The following ATF7 variants were observed in gnomAD, a reference collection of about 807,000 sequenced individuals.
The protein encoded by ATF7 is activating transcription factor 7.
A neutral mutation model predicts 50.4 loss-of-function variants in ATF7; 10 were observed. The ratio of observed to expected loss-of-function variants is 0.20; its 90% confidence interval spans 0.12 to 0.34. The LOEUF (loss-of-function observed/expected upper bound fraction) is 0.34. Among genes scored for constraint, ATF7 ranks in the 10% least tolerant of loss-of-function variants. The pLI, the probability that ATF7 is intolerant of heterozygous loss-of-function variation, is 1.00. For missense variants in ATF7, 465 were observed against 613.9 expected (o/e 0.76, Z 2.56); for synonymous variants, 201 against 226.4 (o/e 0.89, Z 1.01).
intron 2 of ATF7, among the ~76,000 whole-genome samples, chr12:53,580,468 T>C (rs1400017369): frequency 6.7e-6 from 1 of 148,380 alleles, no homozygotes; most frequent in African/African-American, 2.5e-5. Flanking sequence ...ATCGAGACCA[T>C]CCTGGCTAAC....
At chr12:53,575,697 C>A in intron 2 of ATF7, 1 of 155,326 alleles carries the variant, frequency 6.4e-6, no homozygotes. Flanking sequence ...GAGGGAAGTC[C>A]TATGTGTGCA....
chr12:53,569,289 T>C (rs944227806), intron 2 of ATF7, among the ~76,000 whole-genome samples: 1 of 152,218 alleles, frequency 6.6e-6, no homozygotes, highest in Non-Finnish European at 1.5e-5. Context: ...GCTGGGGAAA[T>C]TGTCTTGTTC....
In ATF7 at chr12:53,559,158, A is replaced by G. The variant is rs553942413; in HGVS notation, c.49-6521T>C. On this transcript the variant is annotated intron_variant, in intron 2 of 11. Transcript: ENST00000420353. ...AAAAGGAATGGCCTGAAGAACACAG[A>G]TGGTGGAAACTGTAAATAAGGAATA... 2.0e-5 allele frequency among the ~76,000 whole-genome samples: 3 copies of G among 151,750 alleles called. No homozygotes were observed. The East Asian group carries it at 5.8e-4, about 29-fold the overall frequency.
At chr12:53,584,449 C>G (rs1592930486) in intron 2 of ATF7, among the ~76,000 whole-genome samples, 1 of 152,172 alleles carries the variant, frequency 6.6e-6, no homozygotes, top group Non-Finnish European at 1.5e-5. Flanking sequence ...CTTTGGAAGA[C>G]AGTTTGACAG....
At chr12:53,533,355 TAGGGA>T in intron 6 of ATF7, 96 bp from the exon 7 acceptor site, 1 of 1,041,152 alleles carries the variant, frequency 9.6e-7, no homozygotes. Context: ...CTTCTCTAGT[TAGGGA>T]AGGTATAGGG....
intron 1 of ATF7, among the ~76,000 whole-genome samples, chr12:53,604,818 A>G (rs907009196): frequency 1.1e-4 from 17 of 152,240 alleles, no homozygotes; most frequent in Non-Finnish European, 2.2e-4. Context: ...TTCATTCATT[A>G]ATTCATTCAG....
intron 2 of ATF7, among the ~76,000 whole-genome samples, chr12:53,595,457 G>A (rs926532297): frequency 1.3e-5 from 2 of 152,176 alleles, no homozygotes; most frequent in African/African-American, 4.8e-5. Flanking sequence ...TACCAGTATG[G>A]CCCATTTAAT....
In ATF7 at chr12:53,621,627, C is replaced by CAA. The variant is rs57827238; in HGVS notation, c.-22+4650_-22+4651dup. Among the ~76,000 whole-genome samples, 63 of 140,194 alleles carry CAA rather than the reference C, an allele frequency of 4.5e-4. 1 individual carries two copies. The highest frequency in any genetic ancestry group is 1.5e-3 in the African/African-American group (59 of 38,320). 92.0% of individuals were successfully genotyped at this position (140,194 alleles called of 152,430 possible). On this transcript the variant is annotated intron_variant, in intron 1 of 11. Coordinates refer to ENST00000420353, the MANE Select transcript of ATF7 (RefSeq NM_006856.3). Reference sequence around the variant, plus strand: ...TGAAACCCCGTCTCTTCTAAAAATACAAAAAAAAAAAATTAGTTGGGTGTG... The same window carrying CAA: ...TGAAACCCCGTCTCTTCTAAAAATACAAAAAAAAAAAAAATTAGTTGGGTGTG...
chr12:53,590,593 G>A lies in ATF7; in HGVS notation c.48+10360C>T, dbSNP rs577700931. ...CCTAGAACCAATAAAACTGTCACTA[G>A]GCAAGCTAATTCCTATAACATCAGA... On this transcript the variant is annotated intron_variant, in intron 2 of 11. Transcript: ENST00000420353. Among the ~76,000 whole-genome samples, 22 of 152,256 alleles carry A rather than the reference G, an allele frequency of 1.4e-4. No individual in the cohort carries two copies. The South Asian group carries it at 4.6e-3, about 32-fold the overall frequency.
chr12:53,546,248 T>G (rs1359598644), intron 3 of ATF7, among the ~76,000 whole-genome samples: 1 of 150,548 alleles, frequency 6.6e-6, no homozygotes, highest in African/African-American at 2.5e-5. Context: ...AATTAACCGG[T>G]GTGGTGGTAC....
chr12:53,601,207 C>T (rs1943388463), intron 1 of ATF7, among the ~76,000 whole-genome samples, 186 bp from the exon 2 acceptor site: 1 of 152,146 alleles, frequency 6.6e-6, no homozygotes, highest in Non-Finnish European at 1.5e-5. Flanking sequence ...TGTGTCTCAA[C>T]TGAAACTTTT....
chr12:53,611,194 G>C (rs1038941517), intron 1 of ATF7, among the ~76,000 whole-genome samples: 1 of 152,122 alleles, frequency 6.6e-6, no homozygotes, highest in Non-Finnish European at 1.5e-5. Context: ...ATCCAGGCTG[G>C]GTGTGGTGGC....
intron 4 of ATF7, among the ~76,000 whole-genome samples, chr12:53,541,501 C>T (rs556670851): frequency 6.6e-6 from 1 of 152,268 alleles, no homozygotes; most frequent in African/African-American, 2.4e-5. Flanking sequence ...TGGGAACTAT[C>T]TTCCTTTGAC....
At chr12:53,536,786 G>T (rs1939251626) in intron 5 of ATF7, among the ~76,000 whole-genome samples, 1 of 151,986 alleles carries the variant, frequency 6.6e-6, no homozygotes, top group Admixed American at 6.5e-5. Context: ...TACTTGGGAG[G>T]CTGAGGCAGG....
rs1402190134 is a variant in ATF7 at position 53,601,030 on chromosome 12, G to C, written c.-21-9C>G. 4.4e-6 allele frequency: 7 copies of C among 1,599,288 alleles called. No individual in the cohort carries two copies. The highest frequency in any genetic ancestry group is 4.0e-5 in the African/African-American group (3 of 74,106). The stretch of plus-strand genomic sequence containing the variant: ...CATATAGCAGAGAGGAGCTGAGGAG[G>C]GGGAGGTGAGGGAAAAAGTTATGTT... On this transcript the variant is annotated splice_polypyrimidine_tract_variant and intron_variant, in intron 1 of 11. Coordinates refer to ENST00000420353, the MANE Select transcript of ATF7 (RefSeq NM_006856.3).
chr12:53,540,490 G>A (rs1472088067), intron 4 of ATF7, among the ~76,000 whole-genome samples: 1 of 152,076 alleles, frequency 6.6e-6, no homozygotes, highest in African/African-American at 2.4e-5. Flanking sequence ...TTGGGAGGCT[G>A]AGGTGGACAG....
At chr12:53,555,325 CAAA>C (rs113283704) in intron 2 of ATF7, among the ~76,000 whole-genome samples, 1 of 114,270 alleles carries the variant, frequency 8.8e-6, no homozygotes, top group African/African-American at 3.2e-5. Context: ...AACTCCATCT[CAAA>C]AAAAAAAAAA....
At chr12:53,611,577 T>C (rs770514503) in intron 1 of ATF7, among the ~76,000 whole-genome samples, 4 of 151,904 alleles carry the variant, frequency 2.6e-5, no homozygotes, top group African/African-American at 4.8e-5. Context: ...AAGCTAAGAG[T>C]AGTTTTTACA....
At chr12:53,554,858 G>A (rs1940612955) in intron 2 of ATF7, among the ~76,000 whole-genome samples, 1 of 86,560 alleles carries the variant, frequency 1.2e-5, no homozygotes, top group Non-Finnish European at 2.0e-5. Context: ...GGAAGACCTT[G>A]TCTCAAAAAA....
Sources: allele counts gnomAD v4.1 joint callset (sites outside exome capture counted in the v4.1 genomes callset), GRCh38; gene constraint gnomAD v4.1.1; transcripts MANE v1.5; gene names NCBI Gene and HGNC (gene_info 2026-07-23, HGNC 2026-07-21).